The following MYO16 variants were observed in gnomAD, a reference collection of about 807,000 sequenced individuals.
MYO16 encodes unconventional myosin-XVI.
MYO16 carries 94 observed loss-of-function variants against 205.3 expected under a neutral mutation model. The ratio of observed to expected loss-of-function variants is 0.46; its 90% confidence interval spans 0.39 to 0.54. The LOEUF is 0.54. Among genes scored for constraint, MYO16 ranks in the 20% least tolerant of loss-of-function variants. MYO16 has a pLI of 0.00. For missense variants in MYO16, 2,315 were observed against 2,387.5 expected, an observed-to-expected ratio of 0.97 and a Z score of 0.63; for synonymous variants, 988 against 954.0, an observed-to-expected ratio of 1.04 and a Z score of -0.66.
chr13:108,836,416 G>A (rs116666508), intron 9 of MYO16, among the ~76,000 whole-genome samples: 3 of 152,250 alleles, frequency 2.0e-5, no homozygotes, highest in Non-Finnish European at 4.4e-5. Context: ...TGCTAGGGCA[G>A]TGTGGAAGGG....
At chr13:109,191,751 T>C (rs1387287158) in intron 34 of MYO16, among the ~76,000 whole-genome samples, 1 of 152,208 alleles carries the variant, frequency 6.6e-6, no homozygotes, top group Non-Finnish European at 1.5e-5. Flanking sequence ...AAAGGGATAC[T>C]TTCCAGTTAT....
intron 20 of MYO16, among the ~76,000 whole-genome samples, chr13:108,984,870 C>G (rs565923603): frequency 2.0e-5 from 3 of 152,178 alleles, no homozygotes; most frequent in Admixed American, 6.5e-5. Flanking sequence ...TTAAAGATCA[C>G]TGGGCTAACT....
intron 31 of MYO16, among the ~76,000 whole-genome samples, chr13:109,130,781 T>G (rs952605987): frequency 1.3e-5 from 2 of 152,216 alleles, no homozygotes; most frequent in Non-Finnish European, 1.5e-5. Flanking sequence ...TCTCCCTCAG[T>G]CCAACACAAT....
intron 4 of MYO16, among the ~76,000 whole-genome samples, chr13:108,748,638 A>C (rs1317966601): frequency 1.3e-5 from 2 of 152,142 alleles, no homozygotes; most frequent in African/African-American, 4.8e-5. Context: ...TTTCATAGAG[A>C]TCAATGAAAC....
chr13:109,195,746 T>C (rs1035860189), intron 34 of MYO16, among the ~76,000 whole-genome samples: 3 of 152,142 alleles, frequency 2.0e-5, no homozygotes, highest in Admixed American at 6.5e-5. Flanking sequence ...AGCAACATGA[T>C]TTTACATATG....
At chr13:108,583,947 A>T in the MYO16 span, among the ~76,000 whole-genome samples, 2 of 152,072 alleles carry the variant, frequency 1.3e-5, no homozygotes, top group Admixed American at 1.3e-4. Flanking sequence ...TTACCCGTTA[A>T]AGTAGTTTTT....
chr13:108,875,479 T>C (rs531834091), intron 12 of MYO16, among the ~76,000 whole-genome samples: 25 of 152,302 alleles, frequency 1.6e-4, no homozygotes, highest in Admixed American at 4.6e-4. Flanking sequence ...CATCAGGTAA[T>C]GTGTTGCCAG....
chr13:108,925,318 C>T (rs1160432065), intron 16 of MYO16, among the ~76,000 whole-genome samples: 1 of 152,132 alleles, frequency 6.6e-6, no homozygotes, highest in Non-Finnish European at 1.5e-5. Flanking sequence ...TAGAGTTAAA[C>T]CGAGCTCCGC....
At chr13:108,908,302 G>A (rs534802781) in intron 15 of MYO16, among the ~76,000 whole-genome samples, 5 of 152,236 alleles carry the variant, frequency 3.3e-5, no homozygotes, top group African/African-American at 1.2e-4. Flanking sequence ...TCCCAAAGTT[G>A]TCTCTTTATA....
In MYO16 at chr13:109,125,423, C is replaced by A; in HGVS notation, c.3782+65C>A. On this transcript the variant is annotated intron_variant, in intron 30 of 34. Transcript: ENST00000457511. The surrounding 1 kb of genome is among the most constrained non-coding windows in gnomAD (Gnocchi z 4.0). ...TTGGTTCAGTGGAGTCATGAAAATT[C>A]AAATAGCCCTTAATGCAGAGTTCAA... 1.3e-6 allele frequency: 2 copies of A among 1,583,854 alleles called. No homozygotes were observed. The highest frequency in any genetic ancestry group is 2.3e-5 in the South Asian group (2 of 86,744).
chr13:109,102,567 G>T (rs1466169573), intron 28 of MYO16, among the ~76,000 whole-genome samples: 1 of 151,820 alleles, frequency 6.6e-6, no homozygotes, highest in African/African-American at 2.4e-5. Flanking sequence ...GAGAGAGGGA[G>T]AATTTTTATT....
intron 34 of MYO16, among the ~76,000 whole-genome samples, chr13:109,196,387 C>G (rs1880154845): frequency 6.6e-6 from 1 of 152,008 alleles, no homozygotes; most frequent in Admixed American, 6.5e-5. Flanking sequence ...TGTTGAAAAC[C>G]TAATAAATAG....
Position 109,141,325 on chromosome 13 carries a change from A to G in MYO16, c.5113A>G (p.Arg1705Gly). ...GCTCGCCAGCCTCTTCAACTCGGGGAGGAGTGTGCTTCGGAAATCCGCGGC... is the reference window on the plus strand; with the variant it reads ...GCTCGCCAGCCTCTTCAACTCGGGGGGGAGTGTGCTTCGGAAATCCGCGGC... The part of the protein sequence containing the change: ...DELASLFNSG[R>G]SVLRKSAAGR... Residue 1705 changes from arginine (R) to glycine (G), a missense_variant, in exon 32 of 35, where the codon AGG becomes GGG. Arg to Gly is a moderately radical substitution (Grantham distance 125). Around this residue, in one of 3 missense-constraint regions of MYO16, gnomAD observed 1,097 missense variants for 1,092.0 expected, o/e 1.00. Transcript: ENST00000457511. The surrounding 1 kb of genome is among the most constrained non-coding windows in gnomAD (Gnocchi z 4.1). The G allele has an allele frequency of 6.4e-7, 1 of 1,571,976 alleles. No individual in the cohort carries two copies. Among genetic ancestry groups the G allele is most frequent in the Non-Finnish European group, 8.6e-7 (1 of 1,162,482 alleles).
chr13:108,672,526 T>G (rs994096705), intron 2 of MYO16, among the ~76,000 whole-genome samples: 1 of 147,200 alleles, frequency 6.8e-6, no homozygotes, highest in African/African-American at 2.6e-5. Context: ...TAATTCAGGA[T>G]TTTTTTTGCT....
intron 9 of MYO16, among the ~76,000 whole-genome samples, chr13:108,827,057 G>A (rs1876311807): frequency 6.6e-6 from 1 of 152,064 alleles, no homozygotes; most frequent in Non-Finnish European, 1.5e-5. Context: ...CCCAGATAAT[G>A]AAAATATATG....
At chr13:109,187,271 G>A (rs1879726074) in intron 34 of MYO16, among the ~76,000 whole-genome samples, 1 of 152,038 alleles carries the variant, frequency 6.6e-6, no homozygotes, top group Non-Finnish European at 1.5e-5. Context: ...TTTGCTTATT[G>A]TGTTTTCTTG....
At chr13:108,740,075 G>A (rs1011790357) in intron 4 of MYO16, among the ~76,000 whole-genome samples, 3 of 151,896 alleles carry the variant, frequency 2.0e-5, no homozygotes, top group Non-Finnish European at 4.4e-5. Flanking sequence ...TTTGTGATGG[G>A]TTGGAACTTC....
intron 2 of MYO16, among the ~76,000 whole-genome samples, chr13:108,705,339 A>T (rs1158070619): frequency 6.6e-6 from 1 of 152,148 alleles, no homozygotes; most frequent in Admixed American, 6.5e-5. Flanking sequence ...GCCTTTTCTG[A>T]CCTATCATCA....
At chr13:108,829,781 G>A (rs1431354) in intron 9 of MYO16, among the ~76,000 whole-genome samples, 95,119 of 152,004 alleles carry the variant, frequency 0.63, 30,746 homozygotes, top group Middle Eastern at 0.73. Context: ...ATATAAGGCA[G>A]TGTGCCCCTT....
Sources: gnomAD v4.1 joint callset for allele counts (sites outside exome capture counted in the v4.1 genomes callset) on GRCh38, gnomAD v4.1.1 for gene constraint, gnomAD v4.1.1 regional missense constraint, Gnocchi (gnomAD v3.1) non-coding constraint, MANE v1.5 for transcripts, NCBI Gene and HGNC (gene_info 2026-07-23, HGNC 2026-07-21) for gene names.